Variants in NRIP1 observed in about 807,000 individuals in gnomAD.
NRIP1 encodes the protein nuclear receptor interacting protein 1, also known as nuclear receptor-interacting protein 1.
In NRIP1, 28 loss-of-function variants were observed where a neutral mutation model predicts 75.0. That is an observed-to-expected ratio of 0.37 (90% CI 0.28 to 0.51). The LOEUF is 0.51. NRIP1 is among the 20% of genes least tolerant of loss of function. NRIP1 has a pLI of 0.92. For missense variants in NRIP1, 1,435 were observed against 1,343.7 expected (o/e 1.07, Z -1.06); for synonymous variants, 526 against 487.6 (o/e 1.08, Z -1.04).
chr21:15,024,647 G>C (rs1035180568), intron 2 of NRIP1, among the ~76,000 whole-genome samples: 3 of 151,668 alleles, frequency 2.0e-5, no homozygotes, highest in African/African-American at 7.3e-5. Flanking sequence ...GCAAAATAGA[G>C]AGGGGGTAGC....
At chr21:15,050,641 A>G (rs980394633) in intron 1 of NRIP1, 4 of 425,242 alleles carry the variant, frequency 9.4e-6, no homozygotes, top group African/African-American at 4.1e-5. Context: ...TCACGTGACC[A>G]CAGTAAATCC....
intron 1 of NRIP1, among the ~76,000 whole-genome samples, chr21:15,047,033 GCTGT>G (rs1414744512): frequency 2.6e-5 from 4 of 152,260 alleles, no homozygotes; most frequent in East Asian, 1.9e-4. Context: ...TAGCAATAAG[GCTGT>G]CTATTAGTCC....
At chr21:14,985,604 T>A (rs1481004354) in intron 3 of NRIP1, among the ~76,000 whole-genome samples, 1 of 152,146 alleles carries the variant, frequency 6.6e-6, no homozygotes, top group Non-Finnish European at 1.5e-5. Flanking sequence ...AATATACATA[T>A]TTTTAGAGTA....
At chr21:15,058,972 C>T (rs1215296440) in intron 1 of NRIP1, among the ~76,000 whole-genome samples, 1 of 152,124 alleles carries the variant, frequency 6.6e-6, no homozygotes, top group Non-Finnish European at 1.5e-5. Context: ...CTCCAAACTC[C>T]TTAGTTTCTC....
intron 3 of NRIP1, among the ~76,000 whole-genome samples, chr21:15,011,173 G>A (rs900355737): frequency 2.3e-4 from 35 of 152,064 alleles, no homozygotes; most frequent in African/African-American, 8.2e-4. Flanking sequence ...TACCAACCTC[G>A]TAACCCAGCT....
chr21:15,016,916 A>G (rs1054952956), intron 2 of NRIP1, among the ~76,000 whole-genome samples: 21 of 151,028 alleles, frequency 1.4e-4, no homozygotes, highest in Non-Finnish European at 5.9e-5. Flanking sequence ...GAAGGAAAGA[A>G]AGAGAGAGAG....
chr21:15,022,335 G>A (rs1173629988), intron 2 of NRIP1, among the ~76,000 whole-genome samples: 1 of 152,200 alleles, frequency 6.6e-6, no homozygotes, highest in Non-Finnish European at 1.5e-5. Context: ...GCTGAATGAT[G>A]AGAATACATG....
At chr21:15,009,810 T>C (rs778899633) in intron 3 of NRIP1, among the ~76,000 whole-genome samples, 6 of 152,224 alleles carry the variant, frequency 3.9e-5, no homozygotes, top group Non-Finnish European at 7.3e-5. Context: ...GATGTGGACT[T>C]AGATTTTGTA....
chr21:15,007,199 T>C (rs1015800235), intron 3 of NRIP1, among the ~76,000 whole-genome samples: 1 of 152,078 alleles, frequency 6.6e-6, no homozygotes, highest in South Asian at 2.1e-4. Flanking sequence ...AAAAGCATAT[T>C]AGAAAAACAA....
intron 2 of NRIP1, among the ~76,000 whole-genome samples, chr21:15,038,965 A>G (rs905368742): frequency 1.3e-5 from 2 of 152,128 alleles, no homozygotes; most frequent in African/African-American, 4.8e-5. Flanking sequence ...TAAATAAACT[A>G]TACTTTAAAA....
At chr21:15,010,280 G>C (rs1339055695) in intron 3 of NRIP1, among the ~76,000 whole-genome samples, 4 of 151,908 alleles carry the variant, frequency 2.6e-5, no homozygotes, top group Non-Finnish European at 5.9e-5. Flanking sequence ...GTTAATTTCA[G>C]TGAAAAAAGA....
intron 3 of NRIP1, among the ~76,000 whole-genome samples, chr21:14,989,323 C>G (rs916325501): frequency 6.6e-6 from 1 of 152,152 alleles, no homozygotes; most frequent in African/African-American, 2.4e-5. Flanking sequence ...GTCATACTTA[C>G]AGTTTGTAGG....
intron 2 of NRIP1, among the ~76,000 whole-genome samples, chr21:15,020,657 G>A (rs1444398555): frequency 6.6e-6 from 1 of 152,048 alleles, no homozygotes; most frequent in Non-Finnish European, 1.5e-5. Context: ...AACTGATGAA[G>A]ATATACTATA....
At chr21:15,005,974 G>A (rs1422806931) in intron 3 of NRIP1, among the ~76,000 whole-genome samples, 2 of 152,010 alleles carry the variant, frequency 1.3e-5, no homozygotes, top group African/African-American at 4.8e-5. Context: ...CACAGTCACA[G>A]GTTAAGACTA....
chr21:15,006,326 T>C (rs1453913210), intron 3 of NRIP1, among the ~76,000 whole-genome samples: 1 of 152,160 alleles, frequency 6.6e-6, no homozygotes. Context: ...GTAGAGGGTG[T>C]TTGATTCTTC....
At chr21:15,021,183 C>T (rs1471577433) in intron 2 of NRIP1, among the ~76,000 whole-genome samples, 1 of 152,104 alleles carries the variant, frequency 6.6e-6, no homozygotes, top group South Asian at 2.1e-4. Context: ...CTATTAAAGG[C>T]AAGCATAAAG....
At chr21:14,990,762 G>A (rs1007787845) in intron 3 of NRIP1, among the ~76,000 whole-genome samples, 9 of 152,124 alleles carry the variant, frequency 5.9e-5, no homozygotes, top group Non-Finnish European at 8.8e-5. Flanking sequence ...TCCCTCAGAG[G>A]GCTAGATGGC....
intron 2 of NRIP1, among the ~76,000 whole-genome samples, chr21:15,015,312 G>A (rs1338866713): frequency 1.3e-5 from 2 of 152,172 alleles, no homozygotes; most frequent in African/African-American, 2.4e-5. Context: ...CATCTTAATG[G>A]TGATGATGGT....
chr21:14,971,961 C>T (rs1341582005), intron 3 of NRIP1, among the ~76,000 whole-genome samples: 1 of 152,066 alleles, frequency 6.6e-6, no homozygotes, highest in Non-Finnish European at 1.5e-5. Flanking sequence ...ATAAAACGTA[C>T]CAATTACATG....
Sources: gnomAD v4.1 joint callset for allele counts (sites outside exome capture counted in the v4.1 genomes callset) on GRCh38, gnomAD v4.1.1 for gene constraint, MANE v1.5 for transcripts, NCBI Gene and HGNC (gene_info 2026-07-23, HGNC 2026-07-21) for gene names.